Variants in PCDH15 observed in about 807,000 individuals in gnomAD.
PCDH15 encodes protocadherin-15.
In PCDH15, 129 loss-of-function variants were observed where a neutral mutation model predicts 178.5. The ratio of observed to expected loss-of-function variants is 0.72; its 90% CI spans 0.63 to 0.84. The LOEUF is 0.84. Among genes scored for constraint, PCDH15 ranks in the 40% least tolerant of loss-of-function variants. The probability of loss-of-function intolerance (pLI) is 0.00; values close to 1 mark genes in which losing one functional copy is unlikely to be tolerated. For missense variants in PCDH15, 2,230 were observed against 2,099.9 expected (o/e 1.06, Z -1.21); for synonymous variants, 800 against 732.0 (o/e 1.09, Z -1.50).
At chr10:54,219,108 C>A (rs149967395) in intron 9 of PCDH15, among the ~76,000 whole-genome samples, 769 of 76,498 alleles carry the variant, frequency 0.01, 9 homozygotes, top group Admixed American at 0.056. Context: ...AAAAAAAAAA[C>A]AAAAAAAAAA....
In PCDH15 at chr10:54,167,815, T is replaced by C. The variant is rs1217738689; in HGVS notation, c.1591-14522A>G. On this transcript the variant is annotated intron_variant, in intron 13 of 37. Transcript: ENST00000644397. ...CCTCGTATCTCTGTGCCCCAATCCC[T>C]TATTTCCATGCCCCAACCCCTTATT... Among the ~76,000 whole-genome samples, 50 of 151,562 alleles carry C rather than the reference T, an allele frequency of 3.3e-4. 1 individual carries two copies. Among genetic ancestry groups the C allele is most frequent in the African/African-American group, 1.2e-3 (50 of 41,338 alleles).
intron 3 of PCDH15, among the ~76,000 whole-genome samples, chr10:54,478,387 A>G (rs1294136170): frequency 1.3e-5 from 2 of 152,160 alleles, no homozygotes; most frequent in Non-Finnish European, 2.9e-5. Context: ...TAAAAGCTAA[A>G]TGCCCCAAAT....
At chr10:55,082,024 A>G (rs1842051135) in intron 2 of PCDH15, among the ~76,000 whole-genome samples, 1 of 152,130 alleles carries the variant, frequency 6.6e-6, no homozygotes, top group Non-Finnish European at 1.5e-5. Flanking sequence ...TTATCCAGAC[A>G]GAAAAGCAAA....
intron 3 of PCDH15, among the ~76,000 whole-genome samples, chr10:54,813,708 T>G (rs1418600871): frequency 1.3e-5 from 2 of 152,202 alleles, no homozygotes; most frequent in African/African-American, 4.8e-5. Flanking sequence ...ACCCTTCTTT[T>G]CTACCACTGT....
intron 29 of PCDH15, among the ~76,000 whole-genome samples, chr10:53,833,266 C>T (rs1261830341): frequency 6.6e-6 from 1 of 152,024 alleles, no homozygotes; most frequent in Non-Finnish European, 1.5e-5. Flanking sequence ...TCCTGGATTT[C>T]ATATCCAAAC....
chr10:55,325,418 C>A (rs1011317279), intron 2 of PCDH15, among the ~76,000 whole-genome samples: 1 of 151,776 alleles, frequency 6.6e-6, no homozygotes, highest in Non-Finnish European at 1.5e-5. Context: ...AATGCTGAAC[C>A]CCCATGATCA....
intron 15 of PCDH15, among the ~76,000 whole-genome samples, chr10:54,129,175 G>A (rs1049940732): frequency 2.6e-5 from 4 of 152,002 alleles, no homozygotes; most frequent in Admixed American, 1.3e-4. Flanking sequence ...GAAATGATGC[G>A]TTATACATAT....
chr10:53,954,838 T>C (rs1589605398), intron 23 of PCDH15, among the ~76,000 whole-genome samples: 1 of 152,364 alleles, frequency 6.6e-6, no homozygotes, highest in South Asian at 2.1e-4. Flanking sequence ...TTTACTTCAC[T>C]AACGCATATT....
chr10:55,277,390 C>T (rs1383913607), intron 1 of PCDH15, among the ~76,000 whole-genome samples: 1 of 151,998 alleles, frequency 6.6e-6, no homozygotes, highest in Non-Finnish European at 1.5e-5. Context: ...GGAATGGTTT[C>T]TGAAATCTAT....
intron 1 of PCDH15, among the ~76,000 whole-genome samples, chr10:55,209,857 T>G (rs1463995131): frequency 6.6e-6 from 1 of 152,112 alleles, no homozygotes; most frequent in Non-Finnish European, 1.5e-5. Context: ...GATTTGTATG[T>G]GTGATTCATG....
chr10:55,119,775 A>G (rs557639309), intron 2 of PCDH15, among the ~76,000 whole-genome samples: 5 of 152,256 alleles, frequency 3.3e-5, no homozygotes, highest in Non-Finnish European at 5.9e-5. Flanking sequence ...TTCACTTGAA[A>G]ATAAATGAAA....
chr10:54,711,729 A>C (rs1309215935), intron 1 of PCDH15, among the ~76,000 whole-genome samples: 1 of 150,600 alleles, frequency 6.6e-6, no homozygotes, highest in African/African-American at 2.4e-5. Context: ...GAGTTTATTC[A>C]TTCAACCTTA....
At chr10:55,004,251 A>G (rs997218953) in intron 2 of PCDH15, among the ~76,000 whole-genome samples, 3 of 152,072 alleles carry the variant, frequency 2.0e-5, no homozygotes, top group Non-Finnish European at 4.4e-5. Flanking sequence ...GAAGTTGCCC[A>G]CAAAGACTAC....
intron 13 of PCDH15, among the ~76,000 whole-genome samples, chr10:54,176,196 G>T (rs769118564): frequency 6.6e-6 from 1 of 152,090 alleles, no homozygotes; most frequent in East Asian, 1.9e-4. Flanking sequence ...CCTACTGTGT[G>T]TAAGTCATTA....
At chr10:53,992,225 A>C (rs141136483) in intron 21 of PCDH15, among the ~76,000 whole-genome samples, 3,191 of 152,246 alleles carry the variant, frequency 0.021, 85 homozygotes, top group African/African-American at 0.057. Flanking sequence ...TGAAGCCAGC[A>C]AGACCACGAA....
chr10:54,037,963 A>C (rs2135486052), intron 18 of PCDH15, among the ~76,000 whole-genome samples: 1 of 152,052 alleles, frequency 6.6e-6, no homozygotes, highest in South Asian at 2.1e-4. Context: ...GTCTGTGCAG[A>C]GTTGGATGAG....
chr10:55,002,899 G>T (rs1839825926), intron 2 of PCDH15, among the ~76,000 whole-genome samples: 1 of 152,150 alleles, frequency 6.6e-6, no homozygotes, highest in African/African-American at 2.4e-5. Context: ...GCATTCATCT[G>T]AACTTTAATA....
rs35604056 is a variant in PCDH15, at chr10:54,316,529, TACACACACACACACACAC to T, written c.876+724_876+741del. ...AATTTTTAAAAACAGAATATGTGTA[TACACACACACACACACAC>T]ACACACACACACACACACACACACA... On this transcript the variant is annotated intron_variant, in intron 8 of 37. Transcript: ENST00000644397. Among the ~76,000 whole-genome samples, 960 of 132,282 alleles carry T rather than the reference TACACACACACACACACAC, an allele frequency of 7.3e-3. 19 individuals are homozygous for T. The highest frequency in any genetic ancestry group is 0.026 in the African/African-American group (938 of 36,628). 86.8% of individuals were successfully genotyped at this position (132,282 alleles called of 152,430 possible).
At chr10:54,313,628 C>T (rs1171319208) in intron 8 of PCDH15, among the ~76,000 whole-genome samples, 1 of 151,978 alleles carries the variant, frequency 6.6e-6, no homozygotes, top group African/African-American at 2.4e-5. Context: ...TAAATTGTAT[C>T]TATATACTTA....
Sources: gnomAD v4.1 joint callset for allele counts (sites outside exome capture counted in the v4.1 genomes callset) on GRCh38, gnomAD v4.1.1 for gene constraint, MANE v1.5 for transcripts, NCBI Gene and HGNC (gene_info 2026-07-23, HGNC 2026-07-21) for gene names.